ASAP1: variants seen among roughly 807,000 people sequenced by gnomAD.
The protein encoded by ASAP1 is ArfGAP with SH3 domain, ankyrin repeat and PH domain 1.
In ASAP1, 43 loss-of-function variants were observed where a neutral mutation model predicts 145.2. The ratio of observed to expected loss-of-function variants is 0.30; its 90% CI spans 0.23 to 0.38. The LOEUF is 0.38. Among genes scored for constraint, ASAP1 ranks in the 10% least tolerant of loss-of-function variants. ASAP1 has a pLI of 1.00. For synonymous variants in ASAP1, 546 were observed against 515.5 expected (o/e 1.06, Z -0.80); for missense variants, 1,018 against 1,355.3 (o/e 0.75, Z 3.91).
rs565553556 is a variant in ASAP1, at chr8:130,054,469, C to T, written c.*262G>A. 6.8e-4 allele frequency: 238 copies of T among 347,906 alleles called. No individual in the cohort carries two copies. Among genetic ancestry groups the T allele is most frequent in the Middle Eastern group, 2.6e-3 (3 of 1,142 alleles). 21.6% of individuals were successfully genotyped at this position (347,906 alleles called of 1,614,324 possible). A position where few individuals can be genotyped will look rare whatever the true frequency, so the allele number is the denominator to read the frequency against. ...TATTTTTGTTTGTTTGCTTGTAGAACAGCATAGAGAGATGTAAGTGCTAGA... is the reference window on the plus strand; with the variant it reads ...TATTTTTGTTTGTTTGCTTGTAGAATAGCATAGAGAGATGTAAGTGCTAGA... On this transcript the variant is annotated 3_prime_UTR_variant, in exon 30 of 30. Transcript: ENST00000518721.
At chr8:130,417,430 C>A (rs1455399639) in intron 1 of ASAP1, among the ~76,000 whole-genome samples, 1 of 152,218 alleles carries the variant, frequency 6.6e-6, no homozygotes, top group African/African-American at 2.4e-5. Context: ...CCATTGTCAG[C>A]CCGTTTCCTC....
chr8:130,344,176 A>G (rs746789520), intron 3 of ASAP1, among the ~76,000 whole-genome samples: 1 of 152,220 alleles, frequency 6.6e-6, no homozygotes, highest in Non-Finnish European at 1.5e-5. Context: ...AATGAATTAC[A>G]ATGAAAAAAA....
At chr8:130,221,950 C>T (rs76702694) in intron 4 of ASAP1, among the ~76,000 whole-genome samples, 114 of 152,280 alleles carry the variant, frequency 7.5e-4, no homozygotes, top group Non-Finnish European at 1.4e-3. Context: ...CCAAGTGCCT[C>T]GTACACGATG....
chr8:130,182,618 A>C (rs536906827), intron 7 of ASAP1, among the ~76,000 whole-genome samples: 5 of 152,292 alleles, frequency 3.3e-5, no homozygotes, highest in Admixed American at 6.5e-5. Flanking sequence ...ATAAACTTTT[A>C]GTCTTTGGGT....
chr8:130,127,263 C>A (rs2097576437), intron 16 of ASAP1, among the ~76,000 whole-genome samples: 1 of 152,158 alleles, frequency 6.6e-6, no homozygotes, highest in South Asian at 2.1e-4. Flanking sequence ...GTCGCCCAGG[C>A]TAGAGTGCAA....
At chr8:130,233,125 G>A (rs1175090445) in intron 4 of ASAP1, among the ~76,000 whole-genome samples, 3 of 152,156 alleles carry the variant, frequency 2.0e-5, no homozygotes, top group Non-Finnish European at 4.4e-5. Context: ...GGAACCCAGA[G>A]GGATCTGAGT....
intron 24 of ASAP1, 106 bp from the exon 25 acceptor site, chr8:130,092,249 A>G: frequency 8.0e-7 from 1 of 1,243,754 alleles, no homozygotes; most frequent in Non-Finnish European, 1.1e-6. Flanking sequence ...TATGACACAC[A>G]GAGACAAAAG....
rs554992429 is a variant in ASAP1, at chr8:130,138,430, A to C, written c.1081-1392T>G. 1.1e-4 allele frequency among the ~76,000 whole-genome samples: 17 copies of C among 152,336 alleles called. No homozygotes were observed. In the South Asian group the frequency reaches 2.1e-3, roughly 19 times the overall value. On this transcript the variant is annotated intron_variant, in intron 13 of 29. Coordinates refer to ENST00000518721, the MANE Select transcript of ASAP1 (RefSeq NM_018482.4). ...GGAATGGAACCAGAAGTCAAGTACA[A>C]GAGAATTTTGCCAAAGAGGAAACAG... is the stretch of plus-strand genomic sequence containing the variant.
chr8:130,129,634 A>G (rs936629507), intron 15 of ASAP1, among the ~76,000 whole-genome samples: 2 of 152,220 alleles, frequency 1.3e-5, no homozygotes, highest in Non-Finnish European at 2.9e-5. Context: ...AATGAAATGG[A>G]TATGAAACAA....
chr8:130,377,303 C>A (rs1249180539), intron 2 of ASAP1, among the ~76,000 whole-genome samples: 1 of 151,914 alleles, frequency 6.6e-6, no homozygotes, highest in Non-Finnish European at 1.5e-5. Flanking sequence ...GATGGGTGCA[C>A]CAAAAGCTCA....
intron 9 of ASAP1, among the ~76,000 whole-genome samples, chr8:130,172,801 T>A (rs1813677306): frequency 6.6e-6 from 1 of 152,214 alleles, no homozygotes; most frequent in East Asian, 1.9e-4. Flanking sequence ...TGTTTTAGTT[T>A]GAAATGGCAC....
At chr8:130,423,895 T>C (rs892086097) in intron 1 of ASAP1, among the ~76,000 whole-genome samples, 3 of 150,856 alleles carry the variant, frequency 2.0e-5, no homozygotes, top group African/African-American at 7.3e-5. Context: ...TATCTAGGGC[T>C]GGGGGAGGAG....
At chr8:130,170,312 A>T (rs1461950399) in intron 9 of ASAP1, among the ~76,000 whole-genome samples, 2 of 151,932 alleles carry the variant, frequency 1.3e-5, no homozygotes, top group Non-Finnish European at 2.9e-5. Context: ...CTGCCACCAC[A>T]CCAGGCTAAT....
At chr8:130,278,345 T>A (rs1821047086) in intron 3 of ASAP1, among the ~76,000 whole-genome samples, 1 of 151,760 alleles carries the variant, frequency 6.6e-6, no homozygotes, top group Non-Finnish European at 1.5e-5. Context: ...TAAAAGGGTG[T>A]GGCAGGTTAA....
intron 3 of ASAP1, among the ~76,000 whole-genome samples, chr8:130,289,144 C>T (rs971621885): frequency 1.3e-5 from 2 of 152,144 alleles, no homozygotes; most frequent in African/African-American, 4.8e-5. Flanking sequence ...CAAGTTGGTG[C>T]CACGGCACTC....
At chr8:130,319,705 G>A (rs577235038) in intron 3 of ASAP1, among the ~76,000 whole-genome samples, 37 of 152,286 alleles carry the variant, frequency 2.4e-4, no homozygotes, top group African/African-American at 8.2e-4. Context: ...AGCAACGCAC[G>A]TATTAAAATA....
chr8:130,378,594 C>T (rs117729869), intron 2 of ASAP1, among the ~76,000 whole-genome samples: 1,692 of 152,244 alleles, frequency 0.011, 10 homozygotes, highest in Non-Finnish European at 0.018. Flanking sequence ...GCAAGGGTGG[C>T]CGAGGAAGAC....
chr8:130,147,622 A>T (rs1303331350), intron 13 of ASAP1, among the ~76,000 whole-genome samples: 1 of 152,252 alleles, frequency 6.6e-6, no homozygotes, highest in African/African-American at 2.4e-5. Flanking sequence ...GAAGACAGGT[A>T]CTGTTATTCT....
intron 3 of ASAP1, among the ~76,000 whole-genome samples, chr8:130,337,049 T>C (rs958234228): frequency 5.3e-5 from 8 of 152,138 alleles, no homozygotes; most frequent in African/African-American, 1.9e-4. Context: ...ATCTTTACAA[T>C]AGGGACAATC....
Sources: allele counts gnomAD v4.1 joint callset (sites outside exome capture counted in the v4.1 genomes callset), GRCh38; gene constraint gnomAD v4.1.1; transcripts MANE v1.5; gene names NCBI Gene and HGNC (gene_info 2026-07-23, HGNC 2026-07-21).